Variants in CRACD observed in about 807,000 individuals in gnomAD.
CRACD encodes the protein capping protein-inhibiting regulator of actin dynamics.
CRACD carries 56 observed loss-of-function variants against 106.8 expected under a neutral mutation model. The observed-to-expected ratio is 0.52, with a 90% CI of 0.42 to 0.66. The LOEUF (loss-of-function observed/expected upper bound fraction) is 0.66. Ranked by LOEUF, CRACD falls within the 30% of genes least tolerant of loss-of-function variation. The pLI, the probability that CRACD is intolerant of heterozygous loss-of-function variation, is 0.00. For missense variants in CRACD, 1,730 were observed against 1,623.2 expected (o/e 1.07, Z -1.13); for synonymous variants, 754 against 670.8 (o/e 1.12, Z -1.92).
chr4:56,196,027 C>G (rs1737592213), intron 2 of CRACD, among the ~76,000 whole-genome samples: 1 of 151,986 alleles, frequency 6.6e-6, no homozygotes, highest in Admixed American at 6.5e-5. Flanking sequence ...ATAACCCTAC[C>G]TTTCCTTTTC....
At chr4:56,091,775 A>G (rs4864568) in intron 1 of CRACD, among the ~76,000 whole-genome samples, 16,296 of 152,224 alleles carry the variant, frequency 0.11, 932 homozygotes, top group East Asian at 0.19. Context: ...TGGAAAATGC[A>G]TTTCCTAGTT....
chr4:56,202,011 GC>G (rs1289709190), intron 2 of CRACD, among the ~76,000 whole-genome samples: 2 of 152,176 alleles, frequency 1.3e-5, no homozygotes, highest in Non-Finnish European at 2.9e-5. Flanking sequence ...GATACAGATG[GC>G]CCTTAAAAAG....
At position 56,307,146 on chromosome 4, in the gene CRACD, A is replaced by AT. The variant is rs201217538; in HGVS notation, c.121-381dup. ...ACATTTCATGTAACTGTTTTCTATA[A>AT]TTTTTTTTGCACTTTTAAGAGACTT... On this transcript the variant is annotated intron_variant, in intron 4 of 10. Coordinates refer to ENST00000682029, the MANE Select transcript of CRACD (RefSeq NM_001393381.1). Among the ~76,000 whole-genome samples, 954 of 152,034 alleles carry AT rather than the reference A, an allele frequency of 6.3e-3. 4 individuals carry two copies. The highest frequency in any genetic ancestry group is 8.2e-3 in the Non-Finnish European group (555 of 67,966).
chr4:56,258,268 C>T (rs1384551627), intron 2 of CRACD, among the ~76,000 whole-genome samples: 5 of 152,090 alleles, frequency 3.3e-5, no homozygotes, highest in Admixed American at 3.3e-4. Flanking sequence ...ATCTTTGAAT[C>T]CACCTATGAC....
chr4:56,204,515 A>G (rs1238743615), intron 2 of CRACD, among the ~76,000 whole-genome samples: 1 of 152,144 alleles, frequency 6.6e-6, no homozygotes, highest in African/African-American at 2.4e-5. Context: ...TCTCTTGATA[A>G]TGGCATTAGC....
chr4:56,105,621 T>C lies in CRACD; in HGVS notation c.-336+56322T>C, dbSNP rs193272733. On this transcript the variant is annotated intron_variant, in intron 1 of 10. Coordinates refer to ENST00000682029, the MANE Select transcript of CRACD (RefSeq NM_001393381.1). ...CTACATTATAAGCCAAGGTTAAGCGTTGGCTATTATTATTTATGTTGTTAT... is the reference window on the plus strand; with the variant it reads ...CTACATTATAAGCCAAGGTTAAGCGCTGGCTATTATTATTTATGTTGTTAT... Among the ~76,000 whole-genome samples, 64 of 152,358 alleles carry C rather than the reference T, an allele frequency of 4.2e-4. 1 individual carries two copies. The East Asian group carries it at 8.1e-3, about 19-fold the overall frequency.
intron 2 of CRACD, among the ~76,000 whole-genome samples, chr4:56,203,975 C>T (rs963686022): frequency 6.6e-6 from 1 of 152,226 alleles, no homozygotes; most frequent in Non-Finnish European, 1.5e-5. Flanking sequence ...TAGACAGATG[C>T]AGCCCCCTGG....
At chr4:56,160,423 G>A (rs1313577371) in intron 1 of CRACD, among the ~76,000 whole-genome samples, 3 of 151,630 alleles carry the variant, frequency 2.0e-5, no homozygotes, top group Non-Finnish European at 2.9e-5. Context: ...AGCTCAAACA[G>A]TCTGCCCGCC....
chr4:56,173,650 C>T (rs1736468808), intron 1 of CRACD, among the ~76,000 whole-genome samples: 1 of 152,182 alleles, frequency 6.6e-6, no homozygotes, highest in Admixed American at 6.5e-5. Flanking sequence ...TTATGGATTC[C>T]ATATTTGTCA....
At chr4:56,283,003 T>G (rs1450506972) in intron 3 of CRACD, among the ~76,000 whole-genome samples, 1 of 152,074 alleles carries the variant, frequency 6.6e-6, no homozygotes, top group Non-Finnish European at 1.5e-5. Flanking sequence ...AGGGCTAACT[T>G]AGTTTGTTTT....
chr4:56,199,693 AG>A (rs200242363), intron 2 of CRACD, among the ~76,000 whole-genome samples: 16,166 of 142,688 alleles, frequency 0.11, 1,927 homozygotes, highest in East Asian at 0.52. Context: ...AAAAAAAAAA[AG>A]AAAAGAAAAA....
chr4:56,058,849 A>G (rs17798872), intron 1 of CRACD, among the ~76,000 whole-genome samples: 3,572 of 152,252 alleles, frequency 0.023, 62 homozygotes, highest in Admixed American at 0.059. Flanking sequence ...CCCAGTGACA[A>G]CTAGTGAACA....
chr4:56,171,834 GT>G (rs1457360100), intron 1 of CRACD, among the ~76,000 whole-genome samples: 1 of 152,050 alleles, frequency 6.6e-6, no homozygotes, highest in Non-Finnish European at 1.5e-5. Flanking sequence ...CTGTGAATAT[GT>G]TTCCATGTGC....
chr4:56,121,220 CAT>C (rs1213253604), intron 1 of CRACD, among the ~76,000 whole-genome samples: 3 of 152,154 alleles, frequency 2.0e-5, no homozygotes, highest in African/African-American at 7.2e-5. Flanking sequence ...TAAAGATACT[CAT>C]ATTCAGTAAA....
intron 6 of CRACD, among the ~76,000 whole-genome samples, chr4:56,312,077 C>A (rs1262045475): frequency 6.6e-6 from 1 of 152,074 alleles, no homozygotes; most frequent in Non-Finnish European, 1.5e-5. Context: ...CAGATTTTTG[C>A]CGCTCATTTT....
chr4:56,078,884 A>G (rs975300230), intron 1 of CRACD, among the ~76,000 whole-genome samples: 2 of 152,170 alleles, frequency 1.3e-5, no homozygotes, highest in African/African-American at 4.8e-5. Context: ...CCTGGAGGCA[A>G]GTAGTGGAGT....
At chr4:56,313,957 G>A in intron 7 of CRACD, 83 bp from the exon 8 acceptor site, 1 of 1,513,586 alleles carries the variant, frequency 6.6e-7, no homozygotes, top group Non-Finnish European at 8.9e-7. Context: ...AATTAAGAGG[G>A]TCGCTGGCAC....
In CRACD at chr4:56,190,965, C is replaced by T. The variant is rs1737343805; in HGVS notation, c.-189+11535C>T. On this transcript the variant is annotated intron_variant, in intron 2 of 10. Transcript: ENST00000682029. ...CAATCACCTCCTACCAGATCTCTCA[C>T]TAGATACATGAGGATTATGCGGATT... Among the ~76,000 whole-genome samples the T allele has an allele frequency of 2.0e-5, 3 of 152,140 alleles. No homozygotes were observed. In the South Asian group the frequency reaches 6.2e-4, roughly 32 times the overall value.
Position 56,314,410 on chromosome 4 carries a change from C to CGGAGCGGAGGTAGCGGAG in CRACD, c.918_919insTAGCGGAGGGAGCGGAGG (p.Arg306_Glu307insTer). 1 of 1,540,992 alleles carries CGGAGCGGAGGTAGCGGAG rather than the reference C, an allele frequency of 6.5e-7. No individual in the cohort carries two copies. Reference sequence around the variant, plus strand: ...CTGGAAGCGCCAGGTTGGGAGGACGCGGAGCGGAGGGAGCGTGAGGAGCGC... The same window carrying CGGAGCGGAGGTAGCGGAG: ...CTGGAAGCGCCAGGTTGGGAGGACGCGGAGCGGAGGTAGCGGAGGGAGCGGAGGGAGCGTGAGGAGCGC... On this transcript the variant is annotated stop_gained and inframe_insertion, in exon 8 of 11. Coordinates refer to ENST00000682029, the MANE Select transcript of CRACD (RefSeq NM_001393381.1). LOFTEE classifies it high-confidence loss of function. This position sits in a 1 kb window ranked among gnomAD's most constrained non-coding sequence, Gnocchi z 4.4.
Sources: gnomAD v4.1 joint callset for allele counts (sites outside exome capture counted in the v4.1 genomes callset) on GRCh38, gnomAD v4.1.1 for gene constraint, Gnocchi (gnomAD v3.1) non-coding constraint, MANE v1.5 for transcripts, NCBI Gene and HGNC (gene_info 2026-07-23, HGNC 2026-07-21) for gene names.